The following COL22A1 variants were observed in gnomAD, a reference collection of about 807,000 sequenced individuals.
COL22A1 encodes collagen alpha-1(XXII) chain.
Under a neutral mutation model 248.9 loss-of-function variants are expected in COL22A1, and 221 were observed. The observed-to-expected ratio is 0.89, with a 90% confidence interval of 0.80 to 0.99. The LOEUF (loss-of-function observed/expected upper bound fraction) is 0.99. Among genes scored for constraint, COL22A1 ranks in the 50% least tolerant of loss-of-function variants. COL22A1 has a pLI of 0.00. For synonymous variants in COL22A1, 891 were observed against 793.4 expected (o/e 1.12, Z -2.07); for missense variants, 2,240 against 2,179.0 (o/e 1.03, Z -0.56).
chr8:138,662,836 A>G (rs953167242), intron 42 of COL22A1, among the ~76,000 whole-genome samples: 1 of 152,088 alleles, frequency 6.6e-6, no homozygotes. Flanking sequence ...TTCTTCATCT[A>G]TAAAAATGGG....
chr8:138,796,389 CTTTTTTTTTTTT>C (rs11284610), intron 12 of COL22A1, among the ~76,000 whole-genome samples: 2,032 of 26,526 alleles, frequency 0.077, 89 homozygotes, highest in African/African-American at 0.25. Context: ...TGCTACTTTC[CTTTTTTTTTTTT>C]TTTTTTTTTT....
At chr8:138,878,677 C>A (rs1014282319) in intron 2 of COL22A1, among the ~76,000 whole-genome samples, 1 of 152,146 alleles carries the variant, frequency 6.6e-6, no homozygotes, top group African/African-American at 2.4e-5. Flanking sequence ...AATGTATGCC[C>A]ATTTCCAAGA....
chr8:138,877,010 C>T (rs1395015682), intron 3 of COL22A1, among the ~76,000 whole-genome samples: 1 of 152,238 alleles, frequency 6.6e-6, no homozygotes, highest in Non-Finnish European at 1.5e-5. Flanking sequence ...CTTCATCCTT[C>T]CTGTCCTGGG....
In COL22A1 at chr8:138,684,970, A is replaced by C. The variant is rs7817095; in HGVS notation, c.2967+238T>G. Among the ~76,000 whole-genome samples the C allele has an allele frequency of 6.1e-3, 923 of 152,264 alleles. 9 individuals are homozygous for C. Among genetic ancestry groups the C allele is most frequent in the African/African-American group, 0.019 (795 of 41,560 alleles). On this transcript the variant is annotated intron_variant, in intron 38 of 64. Coordinates refer to ENST00000303045, the MANE Select transcript of COL22A1 (RefSeq NM_152888.3). ...GACTGTCTCTCCATGAGATGGGAGCATCTCCAGGGCGCAGCCTGTCTCATC... is the reference window on the plus strand; with the variant it reads ...GACTGTCTCTCCATGAGATGGGAGCCTCTCCAGGGCGCAGCCTGTCTCATC...
At chr8:138,841,644 G>C (rs533867888) in intron 4 of COL22A1, among the ~76,000 whole-genome samples, 1 of 152,252 alleles carries the variant, frequency 6.6e-6, no homozygotes, top group South Asian at 2.1e-4. Flanking sequence ...TAGATTCTAG[G>C]AGCCAAGGAA....
intron 3 of COL22A1, among the ~76,000 whole-genome samples, chr8:138,844,512 G>T (rs1470154746): frequency 1.3e-5 from 2 of 152,172 alleles, no homozygotes; most frequent in African/African-American, 4.8e-5. Flanking sequence ...CTGCTGGGGG[G>T]TTCAGGACAC....
chr8:138,755,068 G>T, intron 21 of COL22A1, 89 bp downstream of exon 21: 1 of 1,328,526 alleles, frequency 7.5e-7, no homozygotes, highest in Non-Finnish European at 1.1e-6. Context: ...ATAATGCCAT[G>T]CTCAGCGCCG....
At chr8:138,786,280 G>A (rs182121034) in intron 12 of COL22A1, among the ~76,000 whole-genome samples, 239 of 152,272 alleles carry the variant, frequency 1.6e-3, no homozygotes, top group Middle Eastern at 3.4e-3. Context: ...GGTCTCTGTA[G>A]AAGTGAATAT....
At chr8:138,713,905 G>A (rs931476153) in intron 30 of COL22A1, among the ~76,000 whole-genome samples, 5 of 152,160 alleles carry the variant, frequency 3.3e-5, no homozygotes, top group Admixed American at 2.6e-4. Flanking sequence ...GCTCCTGAGT[G>A]GGGGCTGCTC....
chr8:138,902,579 G>A (rs746679978), intron 1 of COL22A1, among the ~76,000 whole-genome samples: 2 of 151,690 alleles, frequency 1.3e-5, no homozygotes, highest in African/African-American at 2.4e-5. Context: ...GGTGGTGGGC[G>A]CCTGTAGTCC....
chr8:138,751,743 G>A (rs930313519), intron 21 of COL22A1, among the ~76,000 whole-genome samples: 4 of 152,176 alleles, frequency 2.6e-5, no homozygotes, highest in African/African-American at 9.6e-5. Context: ...AACCTAGTTC[G>A]TACTTTATAC....
At chr8:138,865,692 T>C (rs1005293659) in intron 3 of COL22A1, among the ~76,000 whole-genome samples, 14 of 151,344 alleles carry the variant, frequency 9.3e-5, no homozygotes, top group Admixed American at 8.6e-4. Context: ...TATGTGTGTA[T>C]ATGTTTGTAT....
chr8:138,626,707 A>C, intron 50 of COL22A1, among the ~76,000 whole-genome samples: 1 of 152,162 alleles, frequency 6.6e-6, no homozygotes, highest in East Asian at 1.9e-4. Flanking sequence ...GCATGCATAG[A>C]GGATGGTTTA....
At chr8:138,876,769 C>A (rs1049141043) in intron 3 of COL22A1, among the ~76,000 whole-genome samples, 1 of 152,176 alleles carries the variant, frequency 6.6e-6, no homozygotes, top group Non-Finnish European at 1.5e-5. Context: ...CTGCCCCTGG[C>A]CAAGGTGTAA....
intron 22 of COL22A1, among the ~76,000 whole-genome samples, chr8:138,745,977 A>T (rs948284028): frequency 1.3e-5 from 2 of 152,208 alleles, no homozygotes; most frequent in Non-Finnish European, 2.9e-5. Context: ...CTGCCTGGTG[A>T]CTGCTACCGC....
intron 22 of COL22A1, among the ~76,000 whole-genome samples, chr8:138,749,417 G>T (rs1431986690): frequency 6.6e-6 from 1 of 152,074 alleles, no homozygotes; most frequent in Non-Finnish European, 1.5e-5. Context: ...ACTCTACTTT[G>T]GAAAAATAAC....
intron 29 of COL22A1, 128 bp from the exon 30 acceptor site, chr8:138,715,863 T>C: frequency 8.5e-6 from 6 of 705,466 alleles, no homozygotes; most frequent in Non-Finnish European, 4.8e-6. Context: ...CACTTGTCCT[T>C]GCCTTATCAG....
At chr8:138,841,539 C>T (rs1483949661) in intron 4 of COL22A1, among the ~76,000 whole-genome samples, 1 of 152,078 alleles carries the variant, frequency 6.6e-6, no homozygotes, top group Non-Finnish European at 1.5e-5. Context: ...AAGGGGAGTA[C>T]TGCATCTTTG....
chr8:138,797,093 C>T (rs1586764959), intron 11 of COL22A1, among the ~76,000 whole-genome samples: 1 of 152,162 alleles, frequency 6.6e-6, no homozygotes, highest in Non-Finnish European at 1.5e-5. Flanking sequence ...GTTTCCATAA[C>T]AGTTTCATTG....
Sources: allele counts gnomAD v4.1 joint callset (sites outside exome capture counted in the v4.1 genomes callset), GRCh38; gene constraint gnomAD v4.1.1; transcripts MANE v1.5; gene names NCBI Gene and HGNC (gene_info 2026-07-23, HGNC 2026-07-21).